The following SH3D19 variants were observed in gnomAD, a reference collection of about 807,000 sequenced individuals.
The protein encoded by SH3D19 is SH3 domain-containing protein 19.
A neutral mutation model predicts 112.1 loss-of-function variants in SH3D19; 58 were observed. The ratio of observed to expected loss-of-function variants is 0.52; its 90% CI spans 0.42 to 0.64. The LOEUF (loss-of-function observed/expected upper bound fraction) is 0.64. SH3D19 is among the 30% of genes least tolerant of loss of function. The pLI is 0.00. For synonymous variants in SH3D19, 391 were observed against 448.5 expected (o/e 0.87, Z 1.62); for missense variants, 1,090 against 1,263.4 (o/e 0.86, Z 2.08).
intron 1 of SH3D19, among the ~76,000 whole-genome samples, chr4:151,247,151 C>A (rs532384731): frequency 6.6e-6 from 1 of 152,074 alleles, no homozygotes; most frequent in East Asian, 1.9e-4. Context: ...TATAATTTTT[C>A]TCTCAGATTT....
At chr4:151,186,167 C>A (rs1352304273) in intron 3 of SH3D19, among the ~76,000 whole-genome samples, 1 of 152,138 alleles carries the variant, frequency 6.6e-6, no homozygotes, top group Non-Finnish European at 1.5e-5. Flanking sequence ...CACAGGCAAT[C>A]CATGTTCTAT....
At chr4:151,224,882 T>G (rs1768736337) in intron 2 of SH3D19, among the ~76,000 whole-genome samples, 1 of 152,120 alleles carries the variant, frequency 6.6e-6, no homozygotes, top group Non-Finnish European at 1.5e-5. Context: ...TAAAAGAATC[T>G]TACGAACTGT....
chr4:151,148,057 A>G lies in SH3D19; in HGVS notation c.1947T>C (p.Ser649=). 1 of 1,614,156 alleles carries G rather than the reference A, an allele frequency of 6.2e-7. No homozygotes were observed. The highest frequency in any genetic ancestry group is 8.5e-7 in the Non-Finnish European group (1 of 1,180,026). The change falls in exon 11 of 20, where the codon TCT becomes TCC. Residue 649 remains serine (S), a synonymous_variant. Coordinates refer to ENST00000604030, the MANE Select transcript of SH3D19 (RefSeq NM_001378122.1). ...NKKLPFNRSS[S]DMDLQKKQSN... ...TTTGTTTTTTCTGAAGATCCATGTC[A>G]GAAGAGGATCGATTAAAAGGCAGTT...
At chr4:151,153,952 T>TACTA (rs10632723) in intron 9 of SH3D19, among the ~76,000 whole-genome samples, 139,621 of 151,728 alleles carry the variant, frequency 0.92, 64,419 homozygotes, top group Non-Finnish European at 0.95. Context: ...AACATAATAA[T>TACTA]ACTATTTCTT....
chr4:151,186,086 C>A (rs80255138), intron 3 of SH3D19, among the ~76,000 whole-genome samples: 5,801 of 152,178 alleles, frequency 0.038, 323 homozygotes, highest in African/African-American at 0.13. Context: ...AGGGCACATT[C>A]TCCTCGGGGT....
At chr4:151,143,110 G>A (rs112983115) in intron 12 of SH3D19, among the ~76,000 whole-genome samples, 20 of 151,976 alleles carry the variant, frequency 1.3e-4, no homozygotes, top group Middle Eastern at 3.4e-3. Context: ...GGTGGTGCAC[G>A]CCTGTAGTCC....
At chr4:151,202,952 T>G (rs563389159) in intron 2 of SH3D19, among the ~76,000 whole-genome samples, 1 of 152,294 alleles carries the variant, frequency 6.6e-6, no homozygotes, top group East Asian at 1.9e-4. Flanking sequence ...TCGGTCTAAG[T>G]TGAACTATGT....
In SH3D19 at chr4:151,127,679, C is replaced by T. The variant is rs376090399; in HGVS notation, c.2966G>A (p.Gly989Glu). ...ATCATATAAGGCTTTGGCCTTCCTC[C>T]CCTTCGGTACTATGGCCAACATACT... ...AKSMLAIVPK[G>E]RKAKALYDFR... The change falls in exon 19 of 20, where the codon GGG becomes GAG. Residue 989 changes from glycine to glutamate, a missense_variant. Coordinates refer to ENST00000604030, the MANE Select transcript of SH3D19 (RefSeq NM_001378122.1). 6 of 1,604,130 alleles carry T rather than the reference C, an allele frequency of 3.7e-6. No individual in the cohort carries two copies. Among genetic ancestry groups the T allele is most frequent in the Non-Finnish European group, 5.1e-6 (6 of 1,176,904 alleles).
At chr4:151,246,298 GTATC>G (rs1258187797) in intron 1 of SH3D19, among the ~76,000 whole-genome samples, 3 of 152,304 alleles carry the variant, frequency 2.0e-5, no homozygotes, top group Admixed American at 1.3e-4. Context: ...TTAAGGTTGT[GTATC>G]TATCCTTTCA....
At chr4:151,254,561 A>G (rs2149980892) in intron 1 of SH3D19, among the ~76,000 whole-genome samples, 1 of 147,328 alleles carries the variant, frequency 6.8e-6, no homozygotes, top group Middle Eastern at 3.4e-3. Flanking sequence ...TGTTTAACAA[A>G]GCACATCTTG....
At chr4:151,153,281 T>C (rs984357958) in intron 9 of SH3D19, among the ~76,000 whole-genome samples, 1 of 152,106 alleles carries the variant, frequency 6.6e-6, no homozygotes, top group African/African-American at 2.4e-5. Context: ...AGGGTCTCGC[T>C]TTGTTGTCCA....
chr4:151,220,031 T>C (rs1767772327), intron 2 of SH3D19, among the ~76,000 whole-genome samples: 1 of 152,212 alleles, frequency 6.6e-6, no homozygotes, highest in South Asian at 2.1e-4. Flanking sequence ...ATACCAGCTT[T>C]CCCTCATTGA....
chr4:151,206,750 G>A (rs1342170620), intron 2 of SH3D19, among the ~76,000 whole-genome samples: 4 of 152,102 alleles, frequency 2.6e-5, no homozygotes, highest in Non-Finnish European at 4.4e-5. Context: ...GCATACAAAG[G>A]TATCCTGGGA....
At chr4:151,207,648 A>G (rs1372980780) in intron 2 of SH3D19, among the ~76,000 whole-genome samples, 1 of 152,230 alleles carries the variant, frequency 6.6e-6, no homozygotes. Flanking sequence ...TTACCAGTTC[A>G]TACAAAGCAG....
chr4:151,267,074 T>G (rs1468515383), intron 1 of SH3D19, among the ~76,000 whole-genome samples: 2 of 151,756 alleles, frequency 1.3e-5, no homozygotes, highest in Non-Finnish European at 2.9e-5. Context: ...ATCCCAGCAC[T>G]TCTGGAGGCC....
chr4:151,263,204 T>G (rs549862647), intron 1 of SH3D19, among the ~76,000 whole-genome samples: 1 of 152,168 alleles, frequency 6.6e-6, no homozygotes, highest in Non-Finnish European at 1.5e-5. Context: ...ATTCTTTTGA[T>G]GAAATTGAAG....
At chr4:151,300,872 AG>A (rs962375297) in intron 1 of SH3D19, among the ~76,000 whole-genome samples, 2 of 152,260 alleles carry the variant, frequency 1.3e-5, no homozygotes, top group African/African-American at 2.4e-5. Context: ...AGACAGAATC[AG>A]GACCTACATC....
At chr4:151,321,415 T>C (rs535686721) in intron 1 of SH3D19, among the ~76,000 whole-genome samples, 1 of 152,004 alleles carries the variant, frequency 6.6e-6, no homozygotes, top group Admixed American at 6.6e-5. Flanking sequence ...GTTGTGCAGA[T>C]AGAGATGAAG....
At position 151,175,508 on chromosome 4, in the gene SH3D19, G is replaced by A; in HGVS notation, c.696C>T (p.Ser232=). The A allele has an allele frequency of 7.1e-7, 1 of 1,410,458 alleles. No homozygotes were observed. The highest frequency in any genetic ancestry group is 9.2e-7 in the Non-Finnish European group (1 of 1,086,598). The allele number at this position is 1,410,458 out of a possible 1,614,324, so 87.4% of individuals were successfully genotyped here. Residue 232 remains serine, a synonymous_variant, in exon 7 of 20, where the codon AGC becomes AGT. Transcript: ENST00000604030. ...RCPVPKPRSK[S]NLRPIPRDSH... Reference sequence around the variant, plus strand: ...AATCTCTGGGTATTGGTCTGAGGTTGCTTTTTGATCTTGGTTTTGGCACTG... The same window carrying A: ...AATCTCTGGGTATTGGTCTGAGGTTACTTTTTGATCTTGGTTTTGGCACTG...
Sources: allele counts gnomAD v4.1 joint callset (sites outside exome capture counted in the v4.1 genomes callset), GRCh38; gene constraint gnomAD v4.1.1; transcripts MANE v1.5; gene names NCBI Gene and HGNC (gene_info 2026-07-23, HGNC 2026-07-21).